DGCR8: variants seen among roughly 807,000 people sequenced by gnomAD.
The protein encoded by DGCR8 is DGCR8 microprocessor complex subunit.
Under a neutral mutation model 78.5 loss-of-function variants are expected in DGCR8, and 14 were observed. That is an observed-to-expected ratio of 0.18 (90% confidence interval 0.12 to 0.28). DGCR8 has a LOEUF of 0.28. Ranked by LOEUF, DGCR8 falls within the 10% of genes least tolerant of loss-of-function variation. The pLI, the probability that DGCR8 is intolerant of heterozygous loss-of-function variation, is 1.00. For missense variants in DGCR8, 702 were observed against 1,022.5 expected, an observed-to-expected ratio of 0.69 and a Z score of 4.28; for synonymous variants, 399 against 402.4, an observed-to-expected ratio of 0.99 and a Z score of 0.10.
Position 20,086,437 on chromosome 22 carries a change from C to T in DGCR8, c.474C>T (p.Asp158=), listed in dbSNP as rs376007260. The T allele has an allele frequency of 8.7e-6, 14 of 1,613,856 alleles. No homozygotes were observed. The highest frequency in any genetic ancestry group is 6.6e-5 in the South Asian group (6 of 91,076). The change falls in exon 2 of 14, where the codon GAC becomes GAT. Residue 158 remains aspartate, a synonymous_variant. Coordinates refer to ENST00000351989, the MANE Select transcript of DGCR8 (RefSeq NM_022720.7). This position sits in a 1 kb window ranked among gnomAD's most constrained non-coding sequence, Gnocchi z 6.4. ...TGCTCCTTAGCCCTGTCAGTGGGGA[C>T]GTGCATGCTTGTCCCTTTGGCGGGA... The part of the protein sequence containing the change: ...CGLLLSPVSG[D]VHACPFGGSV...
chr22:20,086,585 A>G lies in DGCR8; in HGVS notation c.622A>G (p.Asn208Asp). The stretch of plus-strand genomic sequence containing the variant: ...CGATGAGTTAGAAGATTTTACTGAC[A>G]ATTTGGAGCTAGATGAAGAAGGAGC... The part of the protein sequence containing the change: ...VLDELEDFTD[N>D]LELDEEGAGG... Residue 208 changes from asparagine (N) to aspartate (D), a missense_variant, in exon 2 of 14, where the codon AAT becomes GAT. By Grantham distance (23) the Asn-to-Asp change is conservative. Transcript: ENST00000351989. The surrounding 1 kb of genome is among the most constrained non-coding windows in gnomAD (Gnocchi z 6.4). 6.2e-7 allele frequency: 1 copy of G among 1,613,812 alleles called. No individual in the cohort carries two copies. The highest frequency in any genetic ancestry group is 8.5e-7 in the Non-Finnish European group (1 of 1,180,000).
rs148358737 is a variant in DGCR8, at chr22:20,090,086, C to T, written c.1134C>T (p.Pro378=). ...SDLTPSGDVS[P]VKPLSRSAEL... is the part of the protein sequence containing the mutation. ...TCACCCCTAGTGGGGATGTGTCCCC[C>T]GTCAAGCCCCTGAGCCGATCTGCAG... is the stretch of plus-strand genomic sequence containing the variant. Residue 378 remains proline (P), a synonymous_variant, in exon 5 of 14, where the codon CCC becomes CCT. Transcript: ENST00000351989. 2.3e-5 allele frequency: 37 copies of T among 1,614,124 alleles called. No individual in the cohort carries two copies. The African/African-American group carries it at 3.1e-4, about 13-fold the overall frequency.
chr22:20,109,752 C>T (rs1022891068), intron 13 of DGCR8, among the ~76,000 whole-genome samples: 1 of 152,238 alleles, frequency 6.6e-6, no homozygotes, highest in Non-Finnish European at 1.5e-5. Flanking sequence ...CCTGTAACTG[C>T]ACCCAAAATT....
chr22:20,089,871 T>A lies in DGCR8; in HGVS notation c.1023+60T>A. The A allele has an allele frequency of 1.9e-6, 3 of 1,599,970 alleles. No homozygotes were observed. The highest frequency in any genetic ancestry group is 2.6e-6 in the Non-Finnish European group (3 of 1,170,212). On this transcript the variant is annotated intron_variant, in intron 4 of 13. Coordinates refer to ENST00000351989, the MANE Select transcript of DGCR8 (RefSeq NM_022720.7). The surrounding 1 kb of genome is among the most constrained non-coding windows in gnomAD (Gnocchi z 4.9). Reference sequence around the variant, plus strand: ...AAGTTCTCAGACCAAAACGTGCACATCCACACACATGGCACCGCAGCCAAG... The same window carrying A: ...AAGTTCTCAGACCAAAACGTGCACAACCACACACATGGCACCGCAGCCAAG...
intron 9 of DGCR8, among the ~76,000 whole-genome samples, chr22:20,098,354 A>G (rs1200146810): frequency 6.6e-6 from 1 of 152,004 alleles, no homozygotes; most frequent in African/African-American, 2.4e-5. Context: ...GTGATGTAAA[A>G]TCTGTTTCTG....
chr22:20,102,326 A>T (rs890535071), intron 9 of DGCR8, among the ~76,000 whole-genome samples: 3 of 152,264 alleles, frequency 2.0e-5, no homozygotes, highest in African/African-American at 7.2e-5. Context: ...GTCACCTGGT[A>T]CGTAGCCTTT....
chr22:20,108,527 G>T, intron 12 of DGCR8: 1 of 235,548 alleles, frequency 4.2e-6, no homozygotes, highest in South Asian at 5.8e-5. Context: ...CTGGGCTGCA[G>T]CGTGCTGTTC....
chr22:20,085,121 C>T lies in DGCR8; in HGVS notation c.-277-566C>T. ...CTCTGGTGACCTCAGCACGCTGCATCACTGTCCCCGTCCACGTGCTACCCT... is the reference window on the plus strand; with the variant it reads ...CTCTGGTGACCTCAGCACGCTGCATTACTGTCCCCGTCCACGTGCTACCCT... On this transcript the variant is annotated intron_variant, in intron 1 of 13. Transcript: ENST00000351989. This position sits in a 1 kb window ranked among gnomAD's most constrained non-coding sequence, Gnocchi z 6.2. 1.2e-6 allele frequency: 1 copy of T among 835,282 alleles called. No homozygotes were observed. Among genetic ancestry groups the T allele is most frequent in the Non-Finnish European group, 1.4e-6 (1 of 692,712 alleles). The allele number at this position is 835,282 out of a possible 1,614,324, so 51.7% of individuals were successfully genotyped here.
At chr22:20,099,081 G>C (rs2049665256) in intron 9 of DGCR8, among the ~76,000 whole-genome samples, 1 of 152,194 alleles carries the variant, frequency 6.6e-6, no homozygotes, top group African/African-American at 2.4e-5. Flanking sequence ...CTCCCGGCCT[G>C]TGATGAGAGC....
In DGCR8 at chr22:20,102,075, GT is replaced by G. The variant is rs1373091255; in HGVS notation, c.1789-4098del. The G allele has an allele frequency of 4.1e-6, 4 of 974,078 alleles. No individual in the cohort carries two copies. The East Asian group carries it at 4.6e-4, about 112-fold the overall frequency. 60.3% of individuals were successfully genotyped at this position (974,078 alleles called of 1,614,324 possible). On this transcript the variant is annotated intron_variant, in intron 9 of 13. Coordinates refer to ENST00000351989, the MANE Select transcript of DGCR8 (RefSeq NM_022720.7). The stretch of plus-strand genomic sequence containing the variant: ...TAAATTTAGGTATTAGTGACCAAGT[GT>G]TTTCTTTTTTTTTTTTCATCTTATT...
In DGCR8 at chr22:20,110,468, A is replaced by G. The variant is rs1481115515; in HGVS notation, c.*360A>G. On this transcript the variant is annotated 3_prime_UTR_variant, in exon 14 of 14. Coordinates refer to ENST00000351989, the MANE Select transcript of DGCR8 (RefSeq NM_022720.7). The stretch of plus-strand genomic sequence containing the variant: ...AGTATGTAATACGCACTGACGACAC[A>G]TGATGCTTGGATGACAGATGAGAGG... The G allele has an allele frequency of 5.2e-6, 1 of 193,936 alleles. No individual in the cohort carries two copies. The highest frequency in any genetic ancestry group is 1.1e-5 in the Non-Finnish European group (1 of 94,762). The allele number at this position is 193,936 out of a possible 1,614,324, so 12.0% of individuals were successfully genotyped here.
Position 20,085,643 on chromosome 22 carries a change from AGGTTTCTGTC to A in DGCR8, c.-277-43_-277-34del, listed in dbSNP as rs1356874035. On this transcript the variant is annotated intron_variant, in intron 1 of 13. Coordinates refer to ENST00000351989, the MANE Select transcript of DGCR8 (RefSeq NM_022720.7). This position sits in a 1 kb window ranked among gnomAD's most constrained non-coding sequence, Gnocchi z 6.2. ...TTTAACTTGGTACCAGGGAATTGGA[AGGTTTCTGTC>A]ATTTTGTGACGATATTTTTAAATTT... is the stretch of plus-strand genomic sequence containing the variant. 1.7e-5 allele frequency: 22 copies of A among 1,275,748 alleles called. No individual in the cohort carries two copies. Among genetic ancestry groups the A allele is most frequent in the African/African-American group, 3.1e-5 (2 of 64,892 alleles). 79.0% of individuals were successfully genotyped at this position (1,275,748 alleles called of 1,614,324 possible). A position where few individuals can be genotyped will look rare whatever the true frequency, so the allele number is the denominator to read the frequency against.
At chr22:20,082,430 G>A (rs2049429236) in intron 1 of DGCR8, among the ~76,000 whole-genome samples, 1 of 148,910 alleles carries the variant, frequency 6.7e-6, no homozygotes, top group Non-Finnish European at 1.5e-5. Context: ...GCAGTGGTGC[G>A]ATCTCCCGCT....
intron 9 of DGCR8, among the ~76,000 whole-genome samples, chr22:20,104,043 C>T (rs1385452793): frequency 6.6e-6 from 1 of 152,214 alleles, no homozygotes. Flanking sequence ...CTGCAGGTCA[C>T]TTCTGCCATC....
chr22:20,106,860 G>T lies in DGCR8; in HGVS notation c.1996+162G>T, dbSNP rs1042354648. On this transcript the variant is annotated intron_variant, in intron 11 of 13. Coordinates refer to ENST00000351989, the MANE Select transcript of DGCR8 (RefSeq NM_022720.7). ...TTCAGCCTAAGGCGGACTGGCAGCC[G>T]TCCTGCCTGCACTTTCCCTGTCTTT... is the stretch of plus-strand genomic sequence containing the variant. The T allele has an allele frequency of 6.5e-6, 4 of 619,666 alleles. No individual in the cohort carries two copies. In the South Asian group the frequency reaches 7.4e-5, roughly 11 times the overall value. 38.4% of individuals were successfully genotyped at this position (619,666 alleles called of 1,614,324 possible).
chr22:20,098,211 G>T (rs184104445), intron 9 of DGCR8, among the ~76,000 whole-genome samples: 1 of 151,558 alleles, frequency 6.6e-6, no homozygotes, highest in African/African-American at 2.4e-5. Context: ...GGCTGGTCTC[G>T]AACTCCTAGG....
rs1329905422 is a variant in DGCR8, at chr22:20,111,797, A to T, written c.*1689A>T. The T allele has an allele frequency of 4.4e-5, 9 of 205,674 alleles. No homozygotes were observed. Among genetic ancestry groups the T allele is most frequent in the South Asian group, 2.0e-4 (1 of 5,076 alleles). The allele number at this position is 205,674 out of a possible 1,614,324, so 12.7% of individuals were successfully genotyped here. On this transcript the variant is annotated 3_prime_UTR_variant, in exon 14 of 14. Coordinates refer to ENST00000351989, the MANE Select transcript of DGCR8 (RefSeq NM_022720.7). ...GGCCGGGGCAGGGGAGCCTGTGCTG[A>T]TGCCATCCAGGGCACTGGGCTGTGC...
At chr22:20,092,754 C>T in intron 7 of DGCR8, 55 bp from the exon 8 acceptor site, 5 of 1,495,638 alleles carry the variant, frequency 3.3e-6, no homozygotes, top group African/African-American at 1.4e-5. Flanking sequence ...AGACTGTGCA[C>T]ACGCTTTTGA....
rs1043600007 is a variant in DGCR8 at position 20,102,075 on chromosome 22, GTTTTC to G, written c.1789-4097_1789-4093del. 5.9e-5 allele frequency: 57 copies of G among 973,998 alleles called. 2 individuals are homozygous for G. The highest frequency in any genetic ancestry group is 5.7e-4 in the East Asian group (5 of 8,744). The allele number at this position is 973,998 out of a possible 1,614,324, so 60.3% of individuals were successfully genotyped here. A position where few individuals can be genotyped will look rare whatever the true frequency, so the allele number is the denominator to read the frequency against. Reference sequence around the variant, plus strand: ...TAAATTTAGGTATTAGTGACCAAGTGTTTTCTTTTTTTTTTTTCATCTTATTTTAA... The same window carrying G: ...TAAATTTAGGTATTAGTGACCAAGTGTTTTTTTTTTTTCATCTTATTTTAA... On this transcript the variant is annotated intron_variant, in intron 9 of 13. Coordinates refer to ENST00000351989, the MANE Select transcript of DGCR8 (RefSeq NM_022720.7).
Sources: gnomAD v4.1 joint callset for allele counts (sites outside exome capture counted in the v4.1 genomes callset) on GRCh38, gnomAD v4.1.1 for gene constraint, Gnocchi (gnomAD v3.1) non-coding constraint, MANE v1.5 for transcripts, NCBI Gene and HGNC (gene_info 2026-07-23, HGNC 2026-07-21) for gene names.